Variants in NLGN4X observed in about 807,000 individuals in gnomAD.
NLGN4X encodes neuroligin 4 X-linked.
In NLGN4X, 3 loss-of-function variants were observed where a neutral mutation model predicts 40.3. The observed-to-expected ratio is 0.07, with a 90% CI of 0.03 to 0.19. The LOEUF (loss-of-function observed/expected upper bound fraction) is 0.19, where lower values mean the gene tolerates loss of function less well. Ranked by LOEUF, NLGN4X falls within the 10% of genes least tolerant of loss-of-function variation. The probability of loss-of-function intolerance (pLI) is 1.00; values close to 1 mark genes in which losing one functional copy is unlikely to be tolerated. For missense variants in NLGN4X, 382 were observed against 708.3 expected (o/e 0.54, Z 5.23); for synonymous variants, 270 against 306.8 (o/e 0.88, Z 1.25).
At chrX:6,025,568 T>C (rs926189769) in intron 3 of NLGN4X, among the ~76,000 whole-genome samples, 6 of 111,951 alleles carry the variant, frequency 5.4e-5, no homozygotes, top group South Asian at 7.4e-4. Flanking sequence ...GCTGAGAGCC[T>C]ATGAAACTTC....
intron 2 of NLGN4X, among the ~76,000 whole-genome samples, chrX:6,133,446 T>C (rs1280223477): frequency 8.9e-6 from 1 of 112,160 alleles, no homozygotes. Context: ...CTTCAGAAAA[T>C]TATCTTGCAT....
chrX:6,021,601 A>G (rs944884364), intron 3 of NLGN4X, among the ~76,000 whole-genome samples: 1 of 102,759 alleles, frequency 9.7e-6, no homozygotes, highest in Admixed American at 1.1e-4. Context: ...TTGCCCCACC[A>G]AAGACCTGTC....
At chrX:6,031,764 CTTT>C (rs1445054779) in intron 2 of NLGN4X, among the ~76,000 whole-genome samples, 1 of 102,062 alleles carries the variant, frequency 9.8e-6, no homozygotes, top group East Asian at 3.1e-4. Context: ...TGCTTGAGTA[CTTT>C]TTTTGTTGCT....
chrX:6,014,550 G>A (rs1305996202), intron 3 of NLGN4X, among the ~76,000 whole-genome samples: 1 of 111,792 alleles, frequency 8.9e-6, no homozygotes, highest in Admixed American at 9.5e-5. Flanking sequence ...AATGTTTTTC[G>A]TGAAGGAGAG....
intron 1 of NLGN4X, among the ~76,000 whole-genome samples, chrX:6,183,228 A>G (rs1387084826): frequency 8.9e-6 from 1 of 112,788 alleles, no homozygotes; most frequent in Non-Finnish European, 1.9e-5. Flanking sequence ...TTCTTTCCAA[A>G]GCAGTTTAAC....
At chrX:6,160,924 T>C (rs2040373891) in intron 1 of NLGN4X, among the ~76,000 whole-genome samples, 1 of 102,230 alleles carries the variant, frequency 9.8e-6, no homozygotes, top group East Asian at 3.0e-4. Flanking sequence ...ATAAAAAACA[T>C]ATATATTACA....
At chrX:6,153,019 G>A (rs2040196424) in intron 1 of NLGN4X, among the ~76,000 whole-genome samples, 1 of 112,672 alleles carries the variant, frequency 8.9e-6, no homozygotes, top group Non-Finnish European at 1.9e-5. Context: ...ACATTATGTT[G>A]TTAAATGATC....
chrX:6,043,768 G>A (rs936027890), intron 2 of NLGN4X, among the ~76,000 whole-genome samples: 4 of 111,631 alleles, frequency 3.6e-5, no homozygotes, highest in African/African-American at 1.3e-4. Context: ...AAATCATCCC[G>A]CTCTTCAATT....
intron 3 of NLGN4X, among the ~76,000 whole-genome samples, chrX:5,937,441 C>T (rs1044731694): frequency 1.8e-5 from 2 of 111,306 alleles, no homozygotes; most frequent in African/African-American, 3.3e-5. Flanking sequence ...ATAGGTAAGA[C>T]GGGCTCCAAA....
rs1282235635 is a variant in NLGN4X, at chrX:6,072,581, T to C, written c.473-43149A>G. On this transcript the variant is annotated intron_variant, in intron 2 of 5. Coordinates refer to ENST00000381095, the MANE Select transcript of NLGN4X (RefSeq NM_181332.3). ...ACATGCAAAAATTATAGATCTTACATACATTTTGCCACTATTTTAAAAAAT... is the reference window on the plus strand; with the variant it reads ...ACATGCAAAAATTATAGATCTTACACACATTTTGCCACTATTTTAAAAAAT... 6.3e-5 allele frequency among the ~76,000 whole-genome samples: 7 copies of C among 111,653 alleles called. No individual in the cohort carries two copies. In the East Asian group the frequency reaches 2.0e-3, roughly 31 times the overall value.
At chrX:6,025,818 C>T (rs998461806) in intron 3 of NLGN4X, among the ~76,000 whole-genome samples, 1 of 107,216 alleles carries the variant, frequency 9.3e-6, no homozygotes. Flanking sequence ...GCAGGAGAAG[C>T]GCTTGGACCC....
intron 3 of NLGN4X, among the ~76,000 whole-genome samples, chrX:5,979,890 A>G (rs12835405): frequency 9.4e-6 from 1 of 106,520 alleles, no homozygotes; most frequent in African/African-American, 3.4e-5. Context: ...TATATATGAT[A>G]CAGTATACTA....
intron 2 of NLGN4X, among the ~76,000 whole-genome samples, chrX:6,085,919 C>T (rs1286048419): frequency 2.7e-5 from 3 of 112,010 alleles, no homozygotes; most frequent in African/African-American, 9.7e-5. Flanking sequence ...GATAGCTCAG[C>T]GCCATTTTTC....
intron 2 of NLGN4X, among the ~76,000 whole-genome samples, chrX:6,057,614 T>G (rs1232552145): frequency 2.7e-5 from 3 of 112,293 alleles, no homozygotes; most frequent in Admixed American, 9.5e-5. Context: ...TGCACATGTA[T>G]ATATGTAAGG....
At chrX:5,926,983 T>TC (rs1358883560) in intron 3 of NLGN4X, among the ~76,000 whole-genome samples, 16 of 110,170 alleles carry the variant, frequency 1.5e-4, no homozygotes, top group African/African-American at 5.3e-4. Flanking sequence ...TATCTATCTG[T>TC]TTCACAGGTT....
At chrX:6,034,849 C>T (rs1179573095) in intron 2 of NLGN4X, among the ~76,000 whole-genome samples, 1 of 110,456 alleles carries the variant, frequency 9.1e-6, no homozygotes, top group African/African-American at 3.3e-5. Flanking sequence ...GCTGGGACTA[C>T]AGGCATGCAC....
At chrX:5,967,901 CCTT>C (rs976368527) in intron 3 of NLGN4X, among the ~76,000 whole-genome samples, 4 of 111,339 alleles carry the variant, frequency 3.6e-5, no homozygotes, top group South Asian at 3.9e-4. Context: ...GGACTATAAA[CCTT>C]CTTCTCTTTA....
At chrX:6,056,127 T>C (rs1266587561) in intron 2 of NLGN4X, among the ~76,000 whole-genome samples, 1 of 112,140 alleles carries the variant, frequency 8.9e-6, no homozygotes, top group African/African-American at 3.2e-5. Flanking sequence ...AATTTCATGC[T>C]GTAAAAAGAT....
chrX:5,952,033 G>A (rs771568867), intron 3 of NLGN4X, among the ~76,000 whole-genome samples: 4 of 112,264 alleles, frequency 3.6e-5, no homozygotes, highest in African/African-American at 1.3e-4. Context: ...GTGGAGATTC[G>A]AGGGAAAATG....
Sources: allele counts gnomAD v4.1 joint callset (sites outside exome capture counted in the v4.1 genomes callset), GRCh38; gene constraint gnomAD v4.1.1; transcripts MANE v1.5; gene names NCBI Gene and HGNC (gene_info 2026-07-23, HGNC 2026-07-21).